The following FEV variants were observed in gnomAD, a reference collection of about 807,000 sequenced individuals.
The protein encoded by FEV is FEV transcription factor, ETS family member.
Under a neutral mutation model 20.5 loss-of-function variants are expected in FEV, and 14 were observed. The ratio of observed to expected loss-of-function variants is 0.68; its 90% confidence interval spans 0.45 to 1.07. FEV has a LOEUF of 1.07. Ranked by LOEUF, FEV falls within the 50% of genes least tolerant of loss-of-function variation. The pLI, the probability that FEV is intolerant of heterozygous loss-of-function variation, is 0.00. For synonymous variants in FEV, 188 were observed against 163.7 expected (o/e 1.15, Z -1.13); for missense variants, 301 against 345.3 (o/e 0.87, Z 1.02).
Position 218,981,989 on chromosome 2 carries a change from G to C in FEV, c.395C>G (p.Ala132Gly), listed in dbSNP as rs756973980. 6.2e-7 allele frequency: 1 copy of C among 1,607,702 alleles called. No individual in the cohort carries two copies. The highest frequency in any genetic ancestry group is 2.3e-5 in the East Asian group (1 of 43,984). ...CGCGGGCGGCGGCTGGCAGGCCTGC[G>C]CCAGGCCCTGGAAGTCGAAGCGGTA... Reference protein sequence around the residue: ...YAYRFDFQGLAQACQPPPAHA... With the variant: ...YAYRFDFQGLGQACQPPPAHA... The change falls in exon 3 of 3, where the codon GCG becomes GGG. Residue 132 changes from alanine (A) to glycine (G), a missense_variant. By Grantham distance (60) the Ala-to-Gly change is moderately conservative. Transcript: ENST00000295727. The surrounding 1 kb of genome is among the most constrained non-coding windows in gnomAD (Gnocchi z 4.5).
rs2106010140 is a variant in FEV at position 218,981,363 on chromosome 2, G to T, written c.*304C>A. The T allele has an allele frequency of 3.1e-6, 1 of 320,014 alleles. No homozygotes were observed. Among genetic ancestry groups the T allele is most frequent in the East Asian group, 4.6e-5 (1 of 21,584 alleles). The allele number at this position is 320,014 out of a possible 1,614,324, so 19.8% of individuals were successfully genotyped here. A position where few individuals can be genotyped will look rare whatever the true frequency, so the allele number is the denominator to read the frequency against. On this transcript the variant is annotated 3_prime_UTR_variant, in exon 3 of 3. Coordinates refer to ENST00000295727, the MANE Select transcript of FEV (RefSeq NM_017521.3). This position sits in a 1 kb window ranked among gnomAD's most constrained non-coding sequence, Gnocchi z 4.5. ...CTAGGAGCCAGGCGGAAATGCACTG[G>T]AGTGGTGGGGAGACAAGAGAGGTCC...
Position 218,981,909 on chromosome 2 carries a change from C to T in FEV, c.475G>A (p.Ala159Thr). The T allele has an allele frequency of 1.6e-6, 2 of 1,261,686 alleles. No individual in the cohort carries two copies. The highest frequency in any genetic ancestry group is 2.0e-6 in the Non-Finnish European group (2 of 1,008,528). The allele number at this position is 1,261,686 out of a possible 1,614,324, so 78.2% of individuals were successfully genotyped here. A position where few individuals can be genotyped will look rare whatever the true frequency, so the allele number is the denominator to read the frequency against. Residue 159 changes from alanine (A) to threonine (T), a missense_variant, in exon 3 of 3, where the codon GCG becomes ACG. Coordinates refer to ENST00000295727, the MANE Select transcript of FEV (RefSeq NM_017521.3). The surrounding 1 kb of genome is among the most constrained non-coding windows in gnomAD (Gnocchi z 4.5). Reference protein sequence around the residue: ...AAAAAAAQDGALYKLPAGLAP... With the variant: ...AAAAAAAQDGTLYKLPAGLAP... ...AGGCCGGCGGGCAGCTTGTAGAGCGCGCCGTCCTGGGCGGCCGCGGCGGCG... is the reference window on the plus strand; with the variant it reads ...AGGCCGGCGGGCAGCTTGTAGAGCGTGCCGTCCTGGGCGGCCGCGGCGGCG...
rs989307357 is a variant in FEV, at chr2:218,984,062, T to C, written c.127+169A>G. On this transcript the variant is annotated intron_variant, in intron 2 of 2. Coordinates refer to ENST00000295727, the MANE Select transcript of FEV (RefSeq NM_017521.3). The surrounding 1 kb of genome is among the most constrained non-coding windows in gnomAD (Gnocchi z 5.0). Reference sequence around the variant, plus strand: ...AACTCTTTTCCTGGTGCTCAGGAGATGCAGGAGCCAAAAACCAAGTGACTG... The same window carrying C: ...AACTCTTTTCCTGGTGCTCAGGAGACGCAGGAGCCAAAAACCAAGTGACTG... 1.3e-5 allele frequency among the ~76,000 whole-genome samples: 2 copies of C among 152,198 alleles called. No homozygotes were observed. Among genetic ancestry groups the C allele is most frequent in the Admixed American group, 1.3e-4 (2 of 15,286 alleles).
Position 218,984,191 on chromosome 2 carries a change from C to A in FEV, c.127+40G>T. 1 of 1,555,188 alleles carries A rather than the reference C, an allele frequency of 6.4e-7. No individual in the cohort carries two copies. The highest frequency in any genetic ancestry group is 1.2e-5 in the South Asian group (1 of 84,242). ...CTGTCCGCCTGTGCCCTGACCCCAA[C>A]CAACCTCGCCTCCGCCGCCCAGCGC... On this transcript the variant is annotated intron_variant, in intron 2 of 2. Transcript: ENST00000295727. The surrounding 1 kb of genome is among the most constrained non-coding windows in gnomAD (Gnocchi z 5.0).
intron 2 of FEV, among the ~76,000 whole-genome samples, 165 bp from the exon 3 acceptor site, chr2:218,982,421 G>A (rs560132642): frequency 6.6e-6 from 1 of 152,280 alleles, no homozygotes; most frequent in Admixed American, 6.5e-5. Context: ...CCCCGGAGGG[G>A]CTGATCAGCA....
rs1248043607 is a variant in FEV, at chr2:218,982,040, C to A, written c.344G>T (p.Ser115Ile). The change falls in exon 3 of 3, where the codon AGC becomes ATC. Residue 115 changes from serine to isoleucine, a missense_variant. Coordinates refer to ENST00000295727, the MANE Select transcript of FEV (RefSeq NM_017521.3). ...GGCGTAGCGCTTGCCATGCACCTTGCTCATGATGTTCTTGTCGTAGTAGTA... is the reference window on the plus strand; with the variant it reads ...GGCGTAGCGCTTGCCATGCACCTTGATCATGATGTTCTTGTCGTAGTAGTA... ...LRYYYDKNIM[S>I]KVHGKRYAYR... 1 of 1,613,728 alleles carries A rather than the reference C, an allele frequency of 6.2e-7. No individual in the cohort carries two copies. Among genetic ancestry groups the A allele is most frequent in the East Asian group, 2.2e-5 (1 of 44,876 alleles).
chr2:218,984,468 G>T lies in FEV; in HGVS notation c.53-163C>A, dbSNP rs1945420450. The T allele has an allele frequency of 3.3e-6, 2 of 603,342 alleles. No homozygotes were observed. The highest frequency in any genetic ancestry group is 5.7e-6 in the Non-Finnish European group (2 of 348,772). The allele number at this position is 603,342 out of a possible 1,614,324, so 37.4% of individuals were successfully genotyped here. A position where few individuals can be genotyped will look rare whatever the true frequency, so the allele number is the denominator to read the frequency against. ...TCCTCCCGGAGCCTGGTCCAGGCGC[G>T]CTGCGCGGAGCCCCTCCATAGAGCC... On this transcript the variant is annotated intron_variant, in intron 1 of 2. Transcript: ENST00000295727. This position sits in a 1 kb window ranked among gnomAD's most constrained non-coding sequence, Gnocchi z 5.0.
At position 218,981,816 on chromosome 2, in the gene FEV, C is replaced by A. The variant is rs1252696608; in HGVS notation, c.568G>T (p.Ala190Ser). The A allele has an allele frequency of 8.1e-7, 1 of 1,240,838 alleles. No homozygotes were observed. The highest frequency in any genetic ancestry group is 4.3e-5 in the Admixed American group (1 of 23,280). 76.9% of individuals were successfully genotyped at this position (1,240,838 alleles called of 1,614,324 possible). A position where few individuals can be genotyped will look rare whatever the true frequency, so the allele number is the denominator to read the frequency against. Residue 190 changes from alanine (A) to serine (S), a missense_variant, in exon 3 of 3, where the codon GCC becomes TCC. Physicochemically the swap from Ala to Ser is moderately conservative, Grantham distance 99 (BLOSUM62 1). Coordinates refer to ENST00000295727, the MANE Select transcript of FEV (RefSeq NM_017521.3). The surrounding 1 kb of genome is among the most constrained non-coding windows in gnomAD (Gnocchi z 4.5). ...LMAASAGVAP[A>S]GFSYWPGPGP... ...GGGCCCGGCCAGTAGGAGAAGCCGG[C>A]GGGCGCGACCCCGGCCGAGGCGGCC...
In FEV at chr2:218,984,250, C is replaced by T; in HGVS notation, c.108G>A (p.Leu36=). ...KDGKNPSWGP[L]SPAVQKGSGQ... is the part of the protein sequence containing the mutation. ...TCTCACCTTTCTGAACCGCGGGGCT[C>T]AGCGGCCCCCAGCTCGGGTTCTTCC... The change falls in exon 2 of 3, where the codon CTG becomes CTA. Residue 36 remains leucine, a synonymous_variant. Transcript: ENST00000295727. The surrounding 1 kb of genome is among the most constrained non-coding windows in gnomAD (Gnocchi z 5.0). The T allele has an allele frequency of 6.2e-7, 1 of 1,600,050 alleles. No individual in the cohort carries two copies. Among genetic ancestry groups the T allele is most frequent in the South Asian group, 1.1e-5 (1 of 88,646 alleles).
chr2:218,982,116 G>T lies in FEV; in HGVS notation c.268C>A (p.Arg90Ser). 4 of 1,613,706 alleles carry T rather than the reference G, an allele frequency of 2.5e-6. No homozygotes were observed. The highest frequency in any genetic ancestry group is 3.4e-6 in the Non-Finnish European group (4 of 1,179,864). The stretch of plus-strand genomic sequence containing the variant: ...TAGTTCATGTTGGGCTTGCTCTTGC[G>T]CTCGCCCCACCGCCGCGCCACCTCG... ...PDEVARRWGE[R>S]KSKPNMNYDK... The change falls in exon 3 of 3, where the codon CGC (arginine) becomes AGC (serine). Residue 90 changes from arginine (R) to serine (S), a missense_variant. Transcript: ENST00000295727.
Position 218,982,243 on chromosome 2 carries a change from G to A in FEV, c.141C>T (p.Ile47=), listed in dbSNP as rs1346449905. ...GCTCCAGCAGAAACTGCCACAGCTG[G>A]ATCTGTCCGCTGCCTGTGGGGAGGG... ...SPAVQKGSGQ[I]QLWQFLLELL... The change falls in exon 3 of 3, where the codon ATC becomes ATT. Residue 47 remains isoleucine, a synonymous_variant. Transcript: ENST00000295727. 1 of 1,592,818 alleles carries A rather than the reference G, an allele frequency of 6.3e-7. No homozygotes were observed. Among genetic ancestry groups the A allele is most frequent in the Non-Finnish European group, 8.5e-7 (1 of 1,171,270 alleles).
chr2:218,983,336 C>T (rs1343442172), intron 2 of FEV, among the ~76,000 whole-genome samples: 1 of 152,102 alleles, frequency 6.6e-6, no homozygotes, highest in East Asian at 1.9e-4. Context: ...TGCTTACTGC[C>T]TCAAATATAG....
Position 218,981,619 on chromosome 2 carries a change from C to T in FEV, c.*48G>A. 8.0e-7 allele frequency: 1 copy of T among 1,255,092 alleles called. No homozygotes were observed. 77.7% of individuals were successfully genotyped at this position (1,255,092 alleles called of 1,614,324 possible). On this transcript the variant is annotated 3_prime_UTR_variant, in exon 3 of 3. Coordinates refer to ENST00000295727, the MANE Select transcript of FEV (RefSeq NM_017521.3). This position sits in a 1 kb window ranked among gnomAD's most constrained non-coding sequence, Gnocchi z 4.5. ...TCCCCGGGATGCCGATGGGATCGGG[C>T]GAGACTCTAGGCGTGCGGGCGAGGC...
At position 218,984,299 on chromosome 2, in the gene FEV, A is replaced by T. The variant is rs1354281579; in HGVS notation, c.59T>A (p.Val20Asp). 1 of 1,594,780 alleles carries T rather than the reference A, an allele frequency of 6.3e-7. No homozygotes were observed. The change falls in exon 2 of 3, where the codon GTC (valine) becomes GAC (aspartate). Residue 20 changes from valine to aspartate, a missense_variant. Val to Asp is a radical substitution (Grantham distance 152, BLOSUM62 -3). Coordinates refer to ENST00000295727, the MANE Select transcript of FEV (RefSeq NM_017521.3). The surrounding 1 kb of genome is among the most constrained non-coding windows in gnomAD (Gnocchi z 5.0). Reference sequence around the variant, plus strand: ...CCCGTCCTTGAAGAGACCGTCTCCGACGGGATCTGCAAGCAGCAGAAGAAA... The same window carrying T: ...CCCGTCCTTGAAGAGACCGTCTCCGTCGGGATCTGCAAGCAGCAGAAGAAA... The part of the protein sequence containing the change: ...LLINMYLPDP[V>D]GDGLFKDGKN...
At position 218,981,508 on chromosome 2, in the gene FEV, G is replaced by T; in HGVS notation, c.*159C>A. ...AAATCTAGTACCAGACAAGGATTGAGGGAGCTTCGGTCCCGTCCCCCTGCT... is the reference window on the plus strand; with the variant it reads ...AAATCTAGTACCAGACAAGGATTGATGGAGCTTCGGTCCCGTCCCCCTGCT... On this transcript the variant is annotated 3_prime_UTR_variant, in exon 3 of 3. Transcript: ENST00000295727. The surrounding 1 kb of genome is among the most constrained non-coding windows in gnomAD (Gnocchi z 4.5). 1 of 510,934 alleles carries T rather than the reference G, an allele frequency of 2.0e-6. No homozygotes were observed. Among genetic ancestry groups the T allele is most frequent in the Non-Finnish European group, 3.0e-6 (1 of 330,522 alleles). 31.7% of individuals were successfully genotyped at this position (510,934 alleles called of 1,614,324 possible).
intron 2 of FEV, among the ~76,000 whole-genome samples, chr2:218,982,555 C>T (rs944813239): frequency 2.6e-5 from 4 of 151,966 alleles, no homozygotes; most frequent in Non-Finnish European, 5.9e-5. Flanking sequence ...GAAGCATTGC[C>T]TCCCCCCACG....
rs1945420786 is a variant in FEV at position 218,984,506 on chromosome 2, C to G, written c.53-201G>C. On this transcript the variant is annotated intron_variant, in intron 1 of 2. Coordinates refer to ENST00000295727, the MANE Select transcript of FEV (RefSeq NM_017521.3). This position sits in a 1 kb window ranked among gnomAD's most constrained non-coding sequence, Gnocchi z 5.0. ...CCTCCATAGAGCCCAAGTCAGGAAA[C>G]GCGTCCAGGAAAAAGGAAATCCGCT... The G allele has an allele frequency of 1.0e-5, 5 of 484,308 alleles. No homozygotes were observed. The East Asian group carries it at 1.7e-4, about 16-fold the overall frequency. 30.0% of individuals were successfully genotyped at this position (484,308 alleles called of 1,614,324 possible). A position where few individuals can be genotyped will look rare whatever the true frequency, so the allele number is the denominator to read the frequency against.
chr2:218,984,804 A>G lies in FEV; in HGVS notation c.52+220T>C, dbSNP rs753813682. ...CCGGCTCTTGGCCCCCAGGCTCCCA[A>G]TCTGCTCATTTCAACTCCTCTAGAC... On this transcript the variant is annotated intron_variant, in intron 1 of 2. Coordinates refer to ENST00000295727, the MANE Select transcript of FEV (RefSeq NM_017521.3). This position sits in a 1 kb window ranked among gnomAD's most constrained non-coding sequence, Gnocchi z 5.0. Among the ~76,000 whole-genome samples the G allele has an allele frequency of 2.0e-5, 3 of 151,876 alleles. No homozygotes were observed. Among genetic ancestry groups the G allele is most frequent in the South Asian group, 2.1e-4 (1 of 4,822 alleles).
chr2:218,982,292 C>A, intron 2 of FEV, 36 bp from the exon 3 acceptor site: 1 of 1,511,236 alleles, frequency 6.6e-7, no homozygotes, highest in Non-Finnish European at 8.9e-7. Flanking sequence ...CAGGCGGGAG[C>A]GGGGAGGCGG....
Sources: allele counts gnomAD v4.1 joint callset (sites outside exome capture counted in the v4.1 genomes callset), GRCh38; gene constraint gnomAD v4.1.1; non-coding constraint Gnocchi (gnomAD v3.1); transcripts MANE v1.5; gene names NCBI Gene and HGNC (gene_info 2026-07-23, HGNC 2026-07-21).